The following RPS6KC1 variants were observed in gnomAD, a reference collection of about 807,000 sequenced individuals.
RPS6KC1 encodes the protein inactive ribosomal protein S6 kinase delta-1.
In RPS6KC1, 54 loss-of-function variants were observed where a neutral mutation model predicts 103.8. The observed-to-expected ratio is 0.52, with a 90% CI of 0.42 to 0.65. The LOEUF (loss-of-function observed/expected upper bound fraction) is 0.65, where lower values mean the gene tolerates loss of function less well. RPS6KC1 is among the 30% of genes least tolerant of loss of function. The pLI is 0.00. For missense variants in RPS6KC1, 1,151 were observed against 1,253.8 expected (o/e 0.92, Z 1.24); for synonymous variants, 439 against 438.7 (o/e 1.00, Z -0.01).
At position 213,096,014 on chromosome 1, in the gene RPS6KC1, CAT is replaced by C. The variant is rs1226284141; in HGVS notation, c.263-8439_263-8438del. 5.9e-5 allele frequency among the ~76,000 whole-genome samples: 9 copies of C among 152,302 alleles called. No homozygotes were observed. The East Asian group carries it at 1.2e-3, about 20-fold the overall frequency. ...CCTTTCACAAAAGATTTCTCTGTAACATGTGATGGTGTTTGATAGCATTTTAC... is the reference window on the plus strand; with the variant it reads ...CCTTTCACAAAAGATTTCTCTGTAACGTGATGGTGTTTGATAGCATTTTAC... On this transcript the variant is annotated intron_variant, in intron 3 of 14. Transcript: ENST00000366960.
chr1:213,154,926 T>C (rs770264770), intron 6 of RPS6KC1, among the ~76,000 whole-genome samples: 7 of 152,200 alleles, frequency 4.6e-5, no homozygotes, highest in Non-Finnish European at 8.8e-5. Flanking sequence ...ACCTGGGTAA[T>C]GTTGCTGATT....
At chr1:213,693,762 T>C in the RPS6KC1 span, among the ~76,000 whole-genome samples, 1 of 152,242 alleles carries the variant, frequency 6.6e-6, no homozygotes, top group African/African-American at 2.4e-5. Flanking sequence ...GTAGCCCACT[T>C]CCTATTGGTG....
chr1:213,672,848 C>T, the RPS6KC1 span, among the ~76,000 whole-genome samples: 1 of 152,292 alleles, frequency 6.6e-6, no homozygotes, highest in African/African-American at 2.4e-5. Flanking sequence ...ACGTTTTCTT[C>T]ACCATTTCCA....
the RPS6KC1 span, among the ~76,000 whole-genome samples, chr1:213,519,510 T>C: frequency 2.0e-5 from 3 of 152,160 alleles, 1 homozygote; most frequent in Middle Eastern, 6.3e-3. Context: ...TCCCTGGGGT[T>C]TGTAGTGTGT....
chr1:213,402,465 A>G, the RPS6KC1 span, among the ~76,000 whole-genome samples: 1 of 87,568 alleles, frequency 1.1e-5, no homozygotes, highest in Non-Finnish European at 2.5e-5. Flanking sequence ...TGTTGCACAC[A>G]GATTCCAACA....
At chr1:213,400,059 T>C in the RPS6KC1 span, among the ~76,000 whole-genome samples, 2 of 152,126 alleles carry the variant, frequency 1.3e-5, no homozygotes, top group African/African-American at 4.8e-5. Flanking sequence ...GAGAAATTCA[T>C]AGAAAAAAGA....
chr1:213,574,791 C>G, the RPS6KC1 span, among the ~76,000 whole-genome samples: 1 of 152,114 alleles, frequency 6.6e-6, no homozygotes, highest in Non-Finnish European at 1.5e-5. Flanking sequence ...GTGTTAGAGT[C>G]AAACTATGGG....
the RPS6KC1 span, among the ~76,000 whole-genome samples, chr1:213,595,580 C>T: frequency 6.6e-6 from 1 of 152,218 alleles, no homozygotes; most frequent in Non-Finnish European, 1.5e-5. Flanking sequence ...CGCAAACCAT[C>T]AGTTCCCCTC....
the RPS6KC1 span, among the ~76,000 whole-genome samples, chr1:213,526,005 G>C: frequency 6.6e-6 from 1 of 152,012 alleles, no homozygotes; most frequent in Non-Finnish European, 1.5e-5. Flanking sequence ...GTCCAGGGAG[G>C]GTCTTTGTTG....
chr1:213,816,560 C>G, the RPS6KC1 span, among the ~76,000 whole-genome samples: 1 of 152,162 alleles, frequency 6.6e-6, no homozygotes, highest in Non-Finnish European at 1.5e-5. Context: ...AGAGCAGCCG[C>G]TCATGGGGTA....
At chr1:213,229,625 A>G (rs550948768) in intron 8 of RPS6KC1, among the ~76,000 whole-genome samples, 1 of 152,222 alleles carries the variant, frequency 6.6e-6, no homozygotes, top group South Asian at 2.1e-4. Flanking sequence ...CAAAATAATA[A>G]AGCTTTAATA....
the RPS6KC1 span, among the ~76,000 whole-genome samples, chr1:213,512,584 A>C: frequency 1.3e-5 from 2 of 152,174 alleles, no homozygotes; most frequent in Non-Finnish European, 2.9e-5. Flanking sequence ...CAGCAGGATT[A>C]GGGTTGGTGG....
At chr1:213,726,825 C>T in the RPS6KC1 span, among the ~76,000 whole-genome samples, 1 of 152,164 alleles carries the variant, frequency 6.6e-6, no homozygotes, top group Admixed American at 6.5e-5. Flanking sequence ...TTGAAGCTAA[C>T]CCATAAAAGG....
At chr1:213,634,490 A>C in the RPS6KC1 span, among the ~76,000 whole-genome samples, 2 of 152,242 alleles carry the variant, frequency 1.3e-5, no homozygotes, top group Non-Finnish European at 2.9e-5. Flanking sequence ...TTGGGTAAAT[A>C]ATGAAATGAA....
At chr1:213,768,916 T>A in the RPS6KC1 span, among the ~76,000 whole-genome samples, 1 of 152,108 alleles carries the variant, frequency 6.6e-6, no homozygotes, top group African/African-American at 2.4e-5. Flanking sequence ...AGCACAGACA[T>A]GAAAGGATGC....
intron 6 of RPS6KC1, among the ~76,000 whole-genome samples, chr1:213,143,053 C>A (rs536052904): frequency 6.6e-6 from 1 of 152,026 alleles, no homozygotes; most frequent in African/African-American, 2.4e-5. Context: ...GTGGCCTTTA[C>A]TACCGTTGTG....
the RPS6KC1 span, among the ~76,000 whole-genome samples, chr1:213,634,876 C>G: frequency 6.6e-6 from 1 of 150,980 alleles, no homozygotes; most frequent in Non-Finnish European, 1.5e-5. Flanking sequence ...AGGCCCCTTG[C>G]AAGACTAATA....
the RPS6KC1 span, among the ~76,000 whole-genome samples, chr1:213,307,698 G>T: frequency 1.3e-5 from 2 of 152,280 alleles, no homozygotes; most frequent in African/African-American, 4.8e-5. Context: ...ACAAAGATCA[G>T]CGGGGTCTCC....
At chr1:213,224,826 T>G (rs1228543734) in intron 8 of RPS6KC1, among the ~76,000 whole-genome samples, 1 of 152,254 alleles carries the variant, frequency 6.6e-6, no homozygotes, top group Admixed American at 6.5e-5. Flanking sequence ...TGGCTCCTTA[T>G]GATCTTTGTG....
Sources: allele counts gnomAD v4.1 joint callset (sites outside exome capture counted in the v4.1 genomes callset), GRCh38; gene constraint gnomAD v4.1.1; transcripts MANE v1.5; gene names NCBI Gene and HGNC (gene_info 2026-07-23, HGNC 2026-07-21).